Variants in HMCN1 observed in about 807,000 individuals in gnomAD.
HMCN1 encodes hemicentin-1.
HMCN1 carries 321 observed loss-of-function variants against 625.9 expected under a neutral mutation model. That is an observed-to-expected ratio of 0.51 (90% CI 0.47 to 0.56). HMCN1 has a LOEUF of 0.56. Among genes scored for constraint, HMCN1 ranks in the 20% least tolerant of loss-of-function variants. The probability of loss-of-function intolerance (pLI) is 0.00; values close to 1 mark genes in which losing one functional copy is unlikely to be tolerated. For synonymous variants in HMCN1, 2,425 were observed against 2,417.6 expected (o/e 1.00, Z -0.09); for missense variants, 6,588 against 6,887.3 (o/e 0.96, Z 1.54).
Position 186,062,578 on chromosome 1 carries a change from T to C in HMCN1, c.7491T>C (p.Val2497=). The part of the protein sequence containing the change: ...EDVKVKEKQS[V]TLTCEVTGNP... Reference sequence around the variant, plus strand: ...TGAAGGTAAAAGAGAAACAGAGTGTTACGCTGACTTGTGAAGTGACAGGTA... The same window carrying C: ...TGAAGGTAAAAGAGAAACAGAGTGTCACGCTGACTTGTGAAGTGACAGGTA... The change falls in exon 48 of 107, where the codon GTT becomes GTC. Residue 2497 remains valine, a synonymous_variant. Coordinates refer to ENST00000271588, the MANE Select transcript of HMCN1 (RefSeq NM_031935.3). 2 of 1,612,170 alleles carry C rather than the reference T, an allele frequency of 1.2e-6. No homozygotes were observed. The highest frequency in any genetic ancestry group is 2.2e-5 in the South Asian group (2 of 91,044).
chr1:186,059,912 G>A (rs556454748), intron 46 of HMCN1, among the ~76,000 whole-genome samples: 9 of 152,142 alleles, frequency 5.9e-5, no homozygotes, highest in African/African-American at 2.2e-4. Flanking sequence ...GTTGACGTTT[G>A]TAGAGCCAGC....
intron 80 of HMCN1, among the ~76,000 whole-genome samples, chr1:186,120,421 T>C (rs967390806): frequency 6.6e-6 from 1 of 152,220 alleles, no homozygotes; most frequent in Admixed American, 6.5e-5. Context: ...ATAGCATATG[T>C]ATGATGTGAT....
At chr1:186,082,742 C>A in intron 56 of HMCN1, 123 bp from the exon 57 acceptor site, 1 of 442,730 alleles carries the variant, frequency 2.3e-6, no homozygotes, top group Non-Finnish European at 3.9e-6. Context: ...CTAGTATGTA[C>A]AACATTTTTT....
chr1:185,889,923 G>A (rs1664940973), intron 4 of HMCN1, among the ~76,000 whole-genome samples: 2 of 148,224 alleles, frequency 1.3e-5, no homozygotes, highest in South Asian at 4.2e-4. Context: ...GAATTCGGCT[G>A]TGAATCCATC....
rs775610639 is a variant in HMCN1, at chr1:186,033,066, A to G, written c.5750-4868A>G. On this transcript the variant is annotated intron_variant, in intron 36 of 106. Coordinates refer to ENST00000271588, the MANE Select transcript of HMCN1 (RefSeq NM_031935.3). ...AAGAAAATGTGATATACACACACGC[A>G]CACACACACACACACACACACACAC... Among the ~76,000 whole-genome samples, 868 of 115,212 alleles carry G rather than the reference A, an allele frequency of 7.5e-3. 4 individuals carry two copies. The highest frequency in any genetic ancestry group is 0.012 in the African/African-American group (221 of 19,196). 75.6% of individuals were successfully genotyped at this position (115,212 alleles called of 152,430 possible). A position where few individuals can be genotyped will look rare whatever the true frequency, so the allele number is the denominator to read the frequency against.
At chr1:185,850,310 G>C (rs1662084683) in intron 2 of HMCN1, among the ~76,000 whole-genome samples, 1 of 152,152 alleles carries the variant, frequency 6.6e-6, no homozygotes, top group African/African-American at 2.4e-5. Flanking sequence ...TTGCCTTATA[G>C]AGAATCAGAA....
At chr1:186,049,508 C>T (rs1672195094) in intron 42 of HMCN1, among the ~76,000 whole-genome samples, 2 of 151,618 alleles carry the variant, frequency 1.3e-5, no homozygotes, top group East Asian at 1.9e-4. Context: ...GAAATTTTAC[C>T]ATTTGTTACT....
At chr1:185,753,964 G>A (rs1056879726) in intron 1 of HMCN1, among the ~76,000 whole-genome samples, 1 of 152,180 alleles carries the variant, frequency 6.6e-6, no homozygotes, top group Non-Finnish European at 1.5e-5. Flanking sequence ...AGAGATATCT[G>A]CACTCTCATG....
chr1:185,993,318 T>C lies in HMCN1; in HGVS notation c.3505+9T>C. 1 of 1,612,222 alleles carries C rather than the reference T, an allele frequency of 6.2e-7. No individual in the cohort carries two copies. The highest frequency in any genetic ancestry group is 1.1e-5 in the South Asian group (1 of 91,058). On this transcript the variant is annotated intron_variant, in intron 23 of 106. Coordinates refer to ENST00000271588, the MANE Select transcript of HMCN1 (RefSeq NM_031935.3). ...CAAATTAAATGTCCATGGTGAGTCT[T>C]GAAATGAGAACATATGACAACCCTG...
At chr1:186,053,475 A>C (rs947620374) in intron 43 of HMCN1, among the ~76,000 whole-genome samples, 1 of 152,018 alleles carries the variant, frequency 6.6e-6, no homozygotes, top group African/African-American at 2.4e-5. Flanking sequence ...CTACGTAATA[A>C]ACCTGCACTT....
intron 1 of HMCN1, among the ~76,000 whole-genome samples, chr1:185,796,487 A>G (rs556271121): frequency 6.6e-6 from 1 of 152,298 alleles, no homozygotes; most frequent in South Asian, 2.1e-4. Flanking sequence ...CCATGCGTAC[A>G]CATTATTTAG....
intron 15 of HMCN1, among the ~76,000 whole-genome samples, chr1:185,973,227 T>G (rs560617122): frequency 1.3e-5 from 2 of 152,276 alleles, no homozygotes; most frequent in African/African-American, 2.4e-5. Context: ...AGCTGTTTAA[T>G]GAAACATGTA....
In HMCN1 at chr1:186,071,184, G is replaced by T. The variant is rs115908711; in HGVS notation, c.8139+427G>T. Among the ~76,000 whole-genome samples the T allele has an allele frequency of 4.0e-3, 615 of 152,126 alleles. 4 individuals are homozygous for T. Among genetic ancestry groups the T allele is most frequent in the African/African-American group, 0.013 (536 of 41,518 alleles). On this transcript the variant is annotated intron_variant, in intron 52 of 106. Coordinates refer to ENST00000271588, the MANE Select transcript of HMCN1 (RefSeq NM_031935.3). ...GCAACACATAAATGTTGCTATCCCGGGTTAGAATGACAGGTATAACATGGG... is the reference window on the plus strand; with the variant it reads ...GCAACACATAAATGTTGCTATCCCGTGTTAGAATGACAGGTATAACATGGG...
In HMCN1 at chr1:185,802,468, A is replaced by G. The variant is rs560179173; in HGVS notation, c.269-43558A>G. 5.3e-5 allele frequency among the ~76,000 whole-genome samples: 8 copies of G among 152,302 alleles called. No individual in the cohort carries two copies. In the East Asian group the frequency reaches 9.6e-4, roughly 18 times the overall value. ...AATCACCTAGGTAAAGTGTAGTACA[A>G]TGGCCTAAGAATAGGCCTTTAGGAG... On this transcript the variant is annotated intron_variant, in intron 1 of 106. Transcript: ENST00000271588.
At position 185,734,673 on chromosome 1, in the gene HMCN1, A is replaced by G; in HGVS notation, c.-107A>G. 2.7e-6 allele frequency: 3 copies of G among 1,126,808 alleles called. No individual in the cohort carries two copies. Among genetic ancestry groups the G allele is most frequent in the Non-Finnish European group, 4.0e-6 (3 of 750,598 alleles). The allele number at this position is 1,126,808 out of a possible 1,614,324, so 69.8% of individuals were successfully genotyped here. On this transcript the variant is annotated 5_prime_UTR_variant, in exon 1 of 107. Transcript: ENST00000271588. The stretch of plus-strand genomic sequence containing the variant: ...AACTTTTTGCTAGTTCAGAGATTCC[A>G]AGAGTCTGATGAGTTACTCTGAGAG...
At chr1:185,895,657 C>A (rs1488392540) in intron 4 of HMCN1, among the ~76,000 whole-genome samples, 1 of 152,154 alleles carries the variant, frequency 6.6e-6, no homozygotes, top group East Asian at 1.9e-4. Flanking sequence ...GGGATCAGTG[C>A]AGGTTTATGT....
rs1431482446 is a variant in HMCN1, at chr1:186,062,574, G to C, written c.7487G>C (p.Ser2496Thr). The change falls in exon 48 of 107, where the codon AGT becomes ACT. Residue 2496 changes from serine to threonine, a missense_variant. This residue lies in a region of HMCN1 where 4,628 missense variants were observed against 4,853.1 expected (regional missense o/e 0.95). Coordinates refer to ENST00000271588, the MANE Select transcript of HMCN1 (RefSeq NM_031935.3). Reference protein sequence around the residue: ...LEDVKVKEKQSVTLTCEVTGN... With the variant: ...LEDVKVKEKQTVTLTCEVTGN... ...GATGTGAAGGTAAAAGAGAAACAGA[G>C]TGTTACGCTGACTTGTGAAGTGACA... The C allele has an allele frequency of 6.2e-7, 1 of 1,612,504 alleles. No homozygotes were observed. The highest frequency in any genetic ancestry group is 1.1e-5 in the South Asian group (1 of 91,052).
chr1:186,115,057 C>T (rs996517694), intron 74 of HMCN1, 111 bp downstream of exon 74: 81 of 1,500,544 alleles, frequency 5.4e-5, no homozygotes, highest in Non-Finnish European at 7.2e-5. Context: ...AAGCAATTTA[C>T]ATTATGGTAT....
At chr1:185,911,907 A>C in intron 6 of HMCN1, 127 bp downstream of exon 6, 1 of 739,700 alleles carries the variant, frequency 1.4e-6, no homozygotes. Context: ...ATAAAAAGCA[A>C]CGTACATAGG....
Sources: gnomAD v4.1 joint callset for allele counts (sites outside exome capture counted in the v4.1 genomes callset) on GRCh38, gnomAD v4.1.1 for gene constraint, gnomAD v4.1.1 regional missense constraint, MANE v1.5 for transcripts, NCBI Gene and HGNC (gene_info 2026-07-23, HGNC 2026-07-21) for gene names.